Variants in IGSF3 observed in about 807,000 individuals in gnomAD.
IGSF3 encodes glu-Trp-Ile EWI motif-containing protein 3.
IGSF3 carries 23 observed loss-of-function variants against 114.4 expected under a neutral mutation model. The ratio of observed to expected loss-of-function variants is 0.20; its 90% CI spans 0.14 to 0.28. The LOEUF (loss-of-function observed/expected upper bound fraction) is 0.28. Among genes scored for constraint, IGSF3 ranks in the 10% least tolerant of loss-of-function variants. The pLI is 1.00. For missense variants in IGSF3, 1,172 were observed against 1,591.5 expected (o/e 0.74, Z 4.48); for synonymous variants, 571 against 645.2 (o/e 0.88, Z 1.74).
chr1:116,664,117 G>A lies in IGSF3; in HGVS notation c.43+2167C>T, dbSNP rs1333537495. Reference sequence around the variant, plus strand: ...CCTGCCATACTGAGAGCCATCAGGTGAAGAGAAAGATGAGGTTCCACCAGT... The same window carrying A: ...CCTGCCATACTGAGAGCCATCAGGTAAAGAGAAAGATGAGGTTCCACCAGT... On this transcript the variant is annotated intron_variant, in intron 2 of 10. Transcript: ENST00000369486. This position sits in a 1 kb window ranked among gnomAD's most constrained non-coding sequence, Gnocchi z 4.6. Among the ~76,000 whole-genome samples, 1 of 152,224 alleles carries A rather than the reference G, an allele frequency of 6.6e-6. No individual in the cohort carries two copies. The highest frequency in any genetic ancestry group is 1.5e-5 in the Non-Finnish European group (1 of 68,044).
In IGSF3 at chr1:116,616,218, T is replaced by C. The variant is rs762445228; in HGVS notation, c.283A>G (p.Ile95Val). The C allele has an allele frequency of 2.5e-6, 4 of 1,613,804 alleles. No homozygotes were observed. Among genetic ancestry groups the C allele is most frequent in the African/African-American group, 1.3e-5 (1 of 74,934 alleles). Residue 95 changes from isoleucine (I) to valine (V), a missense_variant, in exon 3 of 11, where the codon ATA becomes GTA. Physicochemically the swap from Ile to Val is conservative, Grantham distance 29. Transcript: ENST00000369486. This position sits in a 1 kb window ranked among gnomAD's most constrained non-coding sequence, Gnocchi z 6.6. ...GTTGAGTTCCCCTGGACTCTTTCTA[T>C]GAAGATCTTCCCTCCGCGGACGCGC... is the stretch of plus-strand genomic sequence containing the variant. ...TQRVRGGKIF[I>V]ERVQGNSTLL...
chr1:116,645,479 T>G (rs1384974847), intron 2 of IGSF3, among the ~76,000 whole-genome samples: 3 of 152,244 alleles, frequency 2.0e-5, no homozygotes, highest in African/African-American at 7.2e-5. Flanking sequence ...TATTTTAAAC[T>G]GGTGAGTTCC....
Position 116,589,682 on chromosome 1 carries a change from G to C in IGSF3, c.2030-578C>G, listed in dbSNP as rs1468898204. Among the ~76,000 whole-genome samples, 2 of 151,980 alleles carry C rather than the reference G, an allele frequency of 1.3e-5. No homozygotes were observed. The highest frequency in any genetic ancestry group is 4.8e-5 in the African/African-American group (2 of 41,364). On this transcript the variant is annotated intron_variant, in intron 7 of 10. Transcript: ENST00000369486. The surrounding 1 kb of genome is among the most constrained non-coding windows in gnomAD (Gnocchi z 5.7). Reference sequence around the variant, plus strand: ...TTATCCCTCATTCCCGTCCCCCTGGGCTCCATACCCTTCCTCAGCACCCTC... The same window carrying C: ...TTATCCCTCATTCCCGTCCCCCTGGCCTCCATACCCTTCCTCAGCACCCTC...
At chr1:116,652,766 C>A (rs1648686118) in intron 2 of IGSF3, among the ~76,000 whole-genome samples, 1 of 152,182 alleles carries the variant, frequency 6.6e-6, no homozygotes, top group Admixed American at 6.5e-5. Context: ...ACACCACTGA[C>A]CAGCAGTCCT....
At chr1:116,591,341 CA>C (rs1297501611) in intron 7 of IGSF3, among the ~76,000 whole-genome samples, 1 of 151,872 alleles carries the variant, frequency 6.6e-6, no homozygotes, top group Admixed American at 6.6e-5. Flanking sequence ...GGTTCTTGGC[CA>C]AAAAAACTGG....
At chr1:116,578,725 G>A (rs910688857) in intron 10 of IGSF3, among the ~76,000 whole-genome samples, 3 of 152,032 alleles carry the variant, frequency 2.0e-5, no homozygotes, top group Non-Finnish European at 4.4e-5. Context: ...TCCACATTTT[G>A]ATGGCAAGCC....
chr1:116,655,371 A>G lies in IGSF3; in HGVS notation c.43+10913T>C, dbSNP rs1485231930. Reference sequence around the variant, plus strand: ...GATGACTATGACACATGAATCCCACAGCCATCTCTCCAAAAGAACAACTAT... The same window carrying G: ...GATGACTATGACACATGAATCCCACGGCCATCTCTCCAAAAGAACAACTAT... On this transcript the variant is annotated intron_variant, in intron 2 of 10. Transcript: ENST00000369486. This position sits in a 1 kb window ranked among gnomAD's most constrained non-coding sequence, Gnocchi z 4.3. Among the ~76,000 whole-genome samples, 1 of 152,254 alleles carries G rather than the reference A, an allele frequency of 6.6e-6. No homozygotes were observed. Among genetic ancestry groups the G allele is most frequent in the East Asian group, 1.9e-4 (1 of 5,202 alleles).
chr1:116,627,664 C>G lies in IGSF3; in HGVS notation c.44-11207G>C, dbSNP rs1647361095. Among the ~76,000 whole-genome samples, 1 of 152,226 alleles carries G rather than the reference C, an allele frequency of 6.6e-6. No individual in the cohort carries two copies. Among genetic ancestry groups the G allele is most frequent in the Non-Finnish European group, 1.5e-5 (1 of 68,048 alleles). ...GCAGCAGAGGGATGCGGGGCGCCAA[C>G]AGCAAAAGCACTTGGGGGGCTTTTT... On this transcript the variant is annotated intron_variant, in intron 2 of 10. Transcript: ENST00000369486. The surrounding 1 kb of genome is among the most constrained non-coding windows in gnomAD (Gnocchi z 4.7).
At chr1:116,660,525 C>G (rs1268734694) in intron 2 of IGSF3, among the ~76,000 whole-genome samples, 1 of 135,500 alleles carries the variant, frequency 7.4e-6, no homozygotes, top group Non-Finnish European at 1.5e-5. Flanking sequence ...TGCTCTGTGG[C>G]CCAGTCTGCA....
At chr1:116,653,213 G>C (rs1356489613) in intron 2 of IGSF3, among the ~76,000 whole-genome samples, 1 of 152,184 alleles carries the variant, frequency 6.6e-6, no homozygotes, top group Non-Finnish European at 1.5e-5. Flanking sequence ...ACAGATCACA[G>C]AGTAAAAAGC....
chr1:116,599,250 C>T (rs1660469971), intron 7 of IGSF3, among the ~76,000 whole-genome samples: 1 of 152,152 alleles, frequency 6.6e-6, no homozygotes, highest in South Asian at 2.1e-4. Context: ...ATTTCCTTGT[C>T]TATGAACAGG....
rs2101075919 is a variant in IGSF3 at position 116,654,918 on chromosome 1, T to C, written c.43+11366A>G. Among the ~76,000 whole-genome samples, 1 of 152,244 alleles carries C rather than the reference T, an allele frequency of 6.6e-6. No homozygotes were observed. The highest frequency in any genetic ancestry group is 2.1e-4 in the South Asian group (1 of 4,810). ...CCCTTATCACTGCTATTCATCATCTTACTCCTACAGATACCCCCTCTTCCT... is the reference window on the plus strand; with the variant it reads ...CCCTTATCACTGCTATTCATCATCTCACTCCTACAGATACCCCCTCTTCCT... On this transcript the variant is annotated intron_variant, in intron 2 of 10. Transcript: ENST00000369486. This position sits in a 1 kb window ranked among gnomAD's most constrained non-coding sequence, Gnocchi z 4.4.
rs1320684387 is a variant in IGSF3 at position 116,603,916 on chromosome 1, G to A, written c.1332C>T (p.Phe444=). 6.8e-6 allele frequency: 11 copies of A among 1,611,534 alleles called. 1 individual carries two copies. The highest frequency in any genetic ancestry group is 3.3e-4 in the Middle Eastern group (2 of 6,056). Residue 444 remains phenylalanine (F), a synonymous_variant, in exon 6 of 11, where the codon TTC becomes TTT. Coordinates refer to ENST00000369486, the MANE Select transcript of IGSF3 (RefSeq NM_001007237.3). The surrounding 1 kb of genome is among the most constrained non-coding windows in gnomAD (Gnocchi z 7.1). ...VRTAGRPQGR[F]SVIWQLVDRQ... ...TGTCCACAAGCTGCCAGATGACAGA[G>A]AAGCGACCCTGCGGCCTGCCTGCCG... is the stretch of plus-strand genomic sequence containing the variant.
At chr1:116,587,799 G>A (rs1185270044) in intron 8 of IGSF3, among the ~76,000 whole-genome samples, 1 of 152,138 alleles carries the variant, frequency 6.6e-6, no homozygotes, top group African/African-American at 2.4e-5. Flanking sequence ...ACAAGCGAAG[G>A]CACGGAGATG....
rs1349037565 is a variant in IGSF3 at position 116,651,601 on chromosome 1, C to T, written c.43+14683G>A. On this transcript the variant is annotated intron_variant, in intron 2 of 10. Coordinates refer to ENST00000369486, the MANE Select transcript of IGSF3 (RefSeq NM_001007237.3). The surrounding 1 kb of genome is among the most constrained non-coding windows in gnomAD (Gnocchi z 4.4). ...ATCGTTGATTACAACATGCATTCAACATTCAATACATATTGACTGAGCAAC... is the reference window on the plus strand; with the variant it reads ...ATCGTTGATTACAACATGCATTCAATATTCAATACATATTGACTGAGCAAC... Among the ~76,000 whole-genome samples, 1 of 152,178 alleles carries T rather than the reference C, an allele frequency of 6.6e-6. No homozygotes were observed.
intron 4 of IGSF3, among the ~76,000 whole-genome samples, chr1:116,611,358 C>T (rs75013367): frequency 1.3e-5 from 2 of 152,224 alleles, no homozygotes; most frequent in Non-Finnish European, 2.9e-5. Context: ...CCCAGGCCCT[C>T]GCATGCCTTC....
intron 2 of IGSF3, among the ~76,000 whole-genome samples, chr1:116,620,162 A>G (rs1031128725): frequency 6.6e-6 from 1 of 152,100 alleles, no homozygotes; most frequent in African/African-American, 2.4e-5. Flanking sequence ...CAATGGGAGT[A>G]CCTTTTGTTA....
intron 2 of IGSF3, among the ~76,000 whole-genome samples, chr1:116,646,152 G>A (rs192335917): frequency 4.1e-4 from 63 of 152,286 alleles, no homozygotes; most frequent in African/African-American, 7.9e-4. Flanking sequence ...GAGTGGGGCC[G>A]GAGACAGAAA....
At position 116,610,848 on chromosome 1, in the gene IGSF3, G is replaced by T. The variant is rs1394830469; in HGVS notation, c.833-2517C>A. On this transcript the variant is annotated intron_variant, in intron 4 of 10. Transcript: ENST00000369486. The surrounding 1 kb of genome is among the most constrained non-coding windows in gnomAD (Gnocchi z 4.3). ...GGACCCACTGGGTGTTTCGCATACTGAGCATCTCTATCAGAGTCTACCTGA... is the reference window on the plus strand; with the variant it reads ...GGACCCACTGGGTGTTTCGCATACTTAGCATCTCTATCAGAGTCTACCTGA... Among the ~76,000 whole-genome samples, 1 of 152,136 alleles carries T rather than the reference G, an allele frequency of 6.6e-6. No homozygotes were observed. The highest frequency in any genetic ancestry group is 1.5e-5 in the Non-Finnish European group (1 of 68,034).
Sources: allele counts gnomAD v4.1 joint callset (sites outside exome capture counted in the v4.1 genomes callset), GRCh38; gene constraint gnomAD v4.1.1; non-coding constraint Gnocchi (gnomAD v3.1); transcripts MANE v1.5; gene names NCBI Gene and HGNC (gene_info 2026-07-23, HGNC 2026-07-21).